The following RYR2 variants were observed in gnomAD, a reference collection of about 807,000 sequenced individuals.
RYR2 encodes the protein cardiac muscle ryanodine receptor-calcium release channel.
RYR2 carries 227 observed loss-of-function variants against 601.1 expected under a neutral mutation model. The ratio of observed to expected loss-of-function variants is 0.38; its 90% CI spans 0.34 to 0.42. The LOEUF is 0.42. RYR2 is among the 10% of genes least tolerant of loss of function. The probability of loss-of-function intolerance (pLI) is 1.00; values close to 1 mark genes in which losing one functional copy is unlikely to be tolerated. For synonymous variants in RYR2, 2,223 were observed against 2,175.1 expected (o/e 1.02, Z -0.61); for missense variants, 4,646 against 6,156.5 (o/e 0.75, Z 8.21).
chr1:237,651,289 T>C (rs1324667259), intron 50 of RYR2, 122 bp from the exon 51 acceptor site: 1 of 704,204 alleles, frequency 1.4e-6, no homozygotes, highest in Non-Finnish European at 2.5e-6. Flanking sequence ...GAACATCTAA[T>C]GAATACCATC....
intron 16 of RYR2, among the ~76,000 whole-genome samples, chr1:237,465,090 GCACACACA>G (rs10610645): frequency 6.7e-6 from 1 of 150,112 alleles, no homozygotes; most frequent in Non-Finnish European, 1.5e-5. Flanking sequence ...ACACACACAT[GCACACACA>G]CACACACACA....
At chr1:237,613,780 G>A (rs751391469) in intron 36 of RYR2, among the ~76,000 whole-genome samples, 1 of 152,116 alleles carries the variant, frequency 6.6e-6, no homozygotes, top group Non-Finnish European at 1.5e-5. Context: ...CAAAGGAAAT[G>A]GGGTATTTCA....
At chr1:237,783,459 T>C (rs1695292712) in intron 89 of RYR2, among the ~76,000 whole-genome samples, 1 of 152,240 alleles carries the variant, frequency 6.6e-6, no homozygotes, top group African/African-American at 2.4e-5. Context: ...AAATATTTTA[T>C]GTGTGTCAGT....
intron 1 of RYR2, among the ~76,000 whole-genome samples, chr1:237,222,262 A>T (rs540238052): frequency 1.3e-5 from 2 of 152,102 alleles, no homozygotes; most frequent in East Asian, 3.9e-4. Flanking sequence ...AAATACAAAA[A>T]ATTAGCTGGG....
intron 1 of RYR2, among the ~76,000 whole-genome samples, chr1:237,067,921 T>C (rs1663847755): frequency 6.6e-6 from 1 of 152,200 alleles, no homozygotes; most frequent in Non-Finnish European, 1.5e-5. Context: ...TTGATGGTAG[T>C]GAACCTCCAT....
chr1:237,346,041 T>C (rs551330560), intron 3 of RYR2, among the ~76,000 whole-genome samples: 37 of 152,000 alleles, frequency 2.4e-4, no homozygotes, highest in Non-Finnish European at 4.4e-4. Context: ...ATTCTGTACT[T>C]AGAGAAAGGA....
At chr1:237,619,844 C>G (rs904153854) in intron 38 of RYR2, among the ~76,000 whole-genome samples, 1 of 152,022 alleles carries the variant, frequency 6.6e-6, no homozygotes, top group African/African-American at 2.4e-5. Flanking sequence ...CCTCAGAGTT[C>G]TATGTACTTT....
intron 24 of RYR2, among the ~76,000 whole-genome samples, chr1:237,529,173 A>G (rs1667869457): frequency 6.6e-6 from 1 of 152,196 alleles, no homozygotes; most frequent in South Asian, 2.1e-4. Context: ...TAGTGTCTGA[A>G]TAAGTGTAAT....
At chr1:237,658,410 T>C (rs1057491611) in intron 54 of RYR2, among the ~76,000 whole-genome samples, 3 of 152,130 alleles carry the variant, frequency 2.0e-5, no homozygotes, top group Non-Finnish European at 4.4e-5. Context: ...TTTTGGTTTA[T>C]TTTTTGAGTC....
At chr1:237,155,904 T>G (rs1250413988) in intron 1 of RYR2, among the ~76,000 whole-genome samples, 1 of 152,188 alleles carries the variant, frequency 6.6e-6, no homozygotes, top group African/African-American at 2.4e-5. Flanking sequence ...GCTGTTTCCT[T>G]ACATATGGTG....
At chr1:237,503,195 T>C in intron 21 of RYR2, 94 bp from the exon 22 acceptor site, 1 of 1,144,370 alleles carries the variant, frequency 8.7e-7, no homozygotes, top group Non-Finnish European at 1.3e-6. Flanking sequence ...GATAAAATAC[T>C]TTTGTACTAA....
intron 2 of RYR2, among the ~76,000 whole-genome samples, chr1:237,308,123 A>G (rs949293696): frequency 6.6e-6 from 1 of 152,260 alleles, no homozygotes; most frequent in African/African-American, 2.4e-5. Context: ...GAAAAAATTA[A>G]TAATGTTTAA....
chr1:237,063,509 C>A lies in RYR2; in HGVS notation c.48+20940C>A, dbSNP rs544711361. ...ATACTTTTATATTTTTCTGGAAATG[C>A]GAGTCTGTTTATATAATACTTTAAA... is the stretch of plus-strand genomic sequence containing the variant. On this transcript the variant is annotated intron_variant, in intron 1 of 104. Coordinates refer to ENST00000366574, the MANE Select transcript of RYR2 (RefSeq NM_001035.3). Among the ~76,000 whole-genome samples the A allele has an allele frequency of 5.3e-5, 8 of 151,830 alleles. 1 individual carries two copies. Among genetic ancestry groups the A allele is most frequent in the Admixed American group, 2.6e-4 (4 of 15,244 alleles).
chr1:237,345,901 G>T (rs540044520), intron 3 of RYR2, among the ~76,000 whole-genome samples: 3 of 151,874 alleles, frequency 2.0e-5, no homozygotes, highest in Non-Finnish European at 2.9e-5. Context: ...ATTACTTGTG[G>T]TATTTAATTT....
rs794728799 is a variant in RYR2 at position 237,793,906 on chromosome 1, C to T, written c.13822C>T (p.Arg4608Trp). ...TTTTAAGCGAGAAAAGGAAGTGGCA[C>T]GGAAATTGGAATTTGATGGGCTTTA... Reference protein sequence around the residue: ...VIFKREKEVARKLEFDGLYIT... With the variant: ...VIFKREKEVAWKLEFDGLYIT... Residue 4608 changes from arginine (R) to tryptophan (W), a missense_variant, in exon 95 of 105, where the codon CGG (arginine) becomes TGG (tryptophan). Arg to Trp is a moderately radical substitution (Grantham distance 101). Around this residue, in one of 17 missense-constraint regions of RYR2, gnomAD observed 37 missense variants for 102.8 expected, o/e 0.36. Transcript: ENST00000366574. 1.2e-6 allele frequency: 2 copies of T among 1,610,716 alleles called. No individual in the cohort carries two copies. Among genetic ancestry groups the T allele is most frequent in the Non-Finnish European group, 1.7e-6 (2 of 1,177,248 alleles).
chr1:237,456,057 C>T (rs918816665), intron 15 of RYR2, among the ~76,000 whole-genome samples: 3 of 152,066 alleles, frequency 2.0e-5, no homozygotes, highest in Admixed American at 2.0e-4. Context: ...TTATATAGCT[C>T]TTTATGTGGT....
At chr1:237,300,330 T>C (rs901760682) in intron 2 of RYR2, among the ~76,000 whole-genome samples, 1 of 152,162 alleles carries the variant, frequency 6.6e-6, no homozygotes, top group African/African-American at 2.4e-5. Context: ...TCTAGTTGAT[T>C]CTGTTAATAT....
intron 27 of RYR2, among the ~76,000 whole-genome samples, chr1:237,557,107 G>A (rs1670984401): frequency 6.6e-6 from 1 of 152,096 alleles, no homozygotes. Context: ...GTTGGCTAAA[G>A]AACTCGCTTC....
At chr1:237,529,640 G>T (rs116523878) in intron 24 of RYR2, among the ~76,000 whole-genome samples, 26 of 151,904 alleles carry the variant, frequency 1.7e-4, no homozygotes, top group Non-Finnish European at 3.8e-4. Context: ...ATATTATGCC[G>T]TTATTTCTTA....
Sources: allele counts gnomAD v4.1 joint callset (sites outside exome capture counted in the v4.1 genomes callset), GRCh38; gene constraint gnomAD v4.1.1; regional missense constraint gnomAD v4.1.1; transcripts MANE v1.5; gene names NCBI Gene and HGNC (gene_info 2026-07-23, HGNC 2026-07-21).